The following DNAAF10 variants were observed in gnomAD, a reference collection of about 807,000 sequenced individuals.
DNAAF10 encodes WD repeat domain 92.
Under a neutral mutation model 43.7 loss-of-function variants are expected in DNAAF10, and 28 were observed. The observed-to-expected ratio is 0.64, with a 90% confidence interval of 0.48 to 0.88. The LOEUF (loss-of-function observed/expected upper bound fraction) is 0.88, where lower values mean the gene tolerates loss of function less well. Among genes scored for constraint, DNAAF10 ranks in the 40% least tolerant of loss-of-function variants. DNAAF10 has a pLI of 0.00. For missense variants in DNAAF10, 403 were observed against 439.1 expected (o/e 0.92, Z 0.73); for synonymous variants, 156 against 157.3 (o/e 0.99, Z 0.06).
At chr2:68,137,982 G>T (rs1463167038) in intron 5 of DNAAF10, among the ~76,000 whole-genome samples, 1 of 150,370 alleles carries the variant, frequency 6.7e-6, no homozygotes, top group Non-Finnish European at 1.5e-5. Flanking sequence ...AGACCATCCT[G>T]GCTAACACGA....
chr2:68,156,241 TTACA>T (rs1463466064), intron 1 of DNAAF10, among the ~76,000 whole-genome samples: 6 of 152,160 alleles, frequency 3.9e-5, no homozygotes, highest in African/African-American at 1.4e-4. Flanking sequence ...GGATGGGGTC[TTACA>T]TACTTTCTAT....
chr2:68,141,902 G>A (rs1054283299), intron 3 of DNAAF10, 107 bp from the exon 4 acceptor site: 2 of 878,040 alleles, frequency 2.3e-6, no homozygotes, highest in Non-Finnish European at 3.7e-6. Context: ...TATGACAGAT[G>A]TTATGACATC....
chr2:68,147,652 A>G, intron 1 of DNAAF10, 85 bp from the exon 2 acceptor site: 6 of 952,432 alleles, frequency 6.3e-6, no homozygotes, highest in Non-Finnish European at 9.0e-6. Flanking sequence ...TGGCTCTATT[A>G]TGGCATTTAA....
At chr2:68,136,100 C>G (rs1420375454) in intron 6 of DNAAF10, among the ~76,000 whole-genome samples, 3 of 151,356 alleles carry the variant, frequency 2.0e-5, no homozygotes, top group African/African-American at 7.3e-5. Flanking sequence ...TGCCTGTACT[C>G]CCAGCTACTT....
At chr2:68,147,594 A>G (rs764607818) in intron 1 of DNAAF10, 27 bp from the exon 2 acceptor site, 2 of 1,519,696 alleles carry the variant, frequency 1.3e-6, no homozygotes, top group Admixed American at 1.9e-5. Context: ...AAGAGAGGAT[A>G]TATTATTTAT....
At chr2:68,153,826 A>G (rs1673518417) in intron 1 of DNAAF10, among the ~76,000 whole-genome samples, 1 of 131,120 alleles carries the variant, frequency 7.6e-6, no homozygotes, top group Non-Finnish European at 1.5e-5. Flanking sequence ...ATCTCGGCTC[A>G]CTGCAACTTC....
chr2:68,137,596 C>T (rs191579770), intron 5 of DNAAF10, among the ~76,000 whole-genome samples, 163 bp from the exon 6 acceptor site: 6 of 152,212 alleles, frequency 3.9e-5, no homozygotes, highest in Admixed American at 3.9e-4. Flanking sequence ...CAGCCAGGCG[C>T]GGTGGCTTAT....
chr2:68,154,229 G>T lies in DNAAF10; in HGVS notation c.183+3032C>A, dbSNP rs542198709. On this transcript the variant is annotated intron_variant, in intron 1 of 7. Coordinates refer to ENST00000295121, the MANE Select transcript of DNAAF10 (RefSeq NM_138458.4). ...AAAAAAGAATATCCAAAGGATTCAGGTGAAAATATACTTCTTTTTTCTTTT... is the reference window on the plus strand; with the variant it reads ...AAAAAAGAATATCCAAAGGATTCAGTTGAAAATATACTTCTTTTTTCTTTT... Among the ~76,000 whole-genome samples, 144 of 151,624 alleles carry T rather than the reference G, an allele frequency of 9.5e-4. 1 individual carries two copies. Among genetic ancestry groups the T allele is most frequent in the African/African-American group, 3.3e-3 (135 of 41,146 alleles).
intron 1 of DNAAF10, among the ~76,000 whole-genome samples, chr2:68,149,025 C>T (rs542404765): frequency 6.6e-6 from 1 of 152,322 alleles, no homozygotes; most frequent in South Asian, 2.1e-4. Context: ...AGGACATCTC[C>T]CCTTGTAACT....
rs919717624 is a variant in DNAAF10 at position 68,131,469 on chromosome 2, A to G, written c.867-24T>C. 2.5e-6 allele frequency: 4 copies of G among 1,608,936 alleles called. No individual in the cohort carries two copies. The African/African-American group carries it at 5.3e-5, about 22-fold the overall frequency. ...CACTGAAAACAAGATCAAAATGGTA[A>G]GAGCGCATAAATCTTAGCTTTCACC... On this transcript the variant is annotated intron_variant, in intron 7 of 7. Coordinates refer to ENST00000295121, the MANE Select transcript of DNAAF10 (RefSeq NM_138458.4).
In DNAAF10 at chr2:68,137,448, T is replaced by A. The variant is rs771873746; in HGVS notation, c.634-15A>T. ...AAGCTACACACCTGAAAACAGAGAA[T>A]ACTTATTATTGGTAGTCTCACCAGT... On this transcript the variant is annotated splice_polypyrimidine_tract_variant and intron_variant, in intron 5 of 7. Transcript: ENST00000295121. The A allele has an allele frequency of 7.9e-5, 126 of 1,602,150 alleles. No individual in the cohort carries two copies. In the East Asian group the frequency reaches 2.8e-3, roughly 35 times the overall value.
intron 3 of DNAAF10, among the ~76,000 whole-genome samples, chr2:68,143,539 T>C (rs1312256671): frequency 6.6e-6 from 1 of 152,070 alleles, no homozygotes; most frequent in Non-Finnish European, 1.5e-5. Context: ...CATATGACAA[T>C]ACTCATTTAC....
chr2:68,131,495 A>G (rs1672930909), intron 7 of DNAAF10, 50 bp from the exon 8 acceptor site: 2 of 1,539,950 alleles, frequency 1.3e-6, no homozygotes, highest in South Asian at 2.2e-5. Flanking sequence ...AGCTTTCACC[A>G]TTTTATTTTT....
chr2:68,132,383 T>C (rs1370275233), intron 7 of DNAAF10, among the ~76,000 whole-genome samples: 1 of 152,204 alleles, frequency 6.6e-6, no homozygotes, highest in African/African-American at 2.4e-5. Context: ...ACAAATCATT[T>C]TGATGAAAAA....
At chr2:68,136,405 C>T (rs1349936008) in intron 6 of DNAAF10, among the ~76,000 whole-genome samples, 1 of 151,996 alleles carries the variant, frequency 6.6e-6, no homozygotes, top group Non-Finnish European at 1.5e-5. Flanking sequence ...TAATTTATAG[C>T]TATCTTGTTA....
intron 7 of DNAAF10, chr2:68,134,136 T>C (rs1672982015): frequency 5.1e-6 from 5 of 985,168 alleles, no homozygotes; most frequent in Non-Finnish European, 6.0e-6. Flanking sequence ...TTGTTTCCTT[T>C]TCACAGGCCA....
At chr2:68,150,714 CAG>C (rs1301634571) in intron 1 of DNAAF10, among the ~76,000 whole-genome samples, 1 of 151,890 alleles carries the variant, frequency 6.6e-6, no homozygotes, top group Non-Finnish European at 1.5e-5. Context: ...GCCTGGGCGA[CAG>C]AGAGAGACTC....
intron 7 of DNAAF10, 78 bp downstream of exon 7, chr2:68,134,615 GGAAAAAAAA>G (rs1672993303): frequency 6.4e-7 from 1 of 1,565,538 alleles, no homozygotes; most frequent in Admixed American, 2.3e-5. Flanking sequence ...AGTCAAAGCA[GGAAAAAAAA>G]GAAAAAAAAG....
chr2:68,156,179 T>C (rs1468806961), intron 1 of DNAAF10, among the ~76,000 whole-genome samples: 2 of 149,212 alleles, frequency 1.3e-5, no homozygotes, highest in African/African-American at 2.5e-5. Context: ...GAAGGAAAGG[T>C]AGAAAAAAAT....
Sources: allele counts gnomAD v4.1 joint callset (sites outside exome capture counted in the v4.1 genomes callset), GRCh38; gene constraint gnomAD v4.1.1; transcripts MANE v1.5; gene names NCBI Gene and HGNC (gene_info 2026-07-23, HGNC 2026-07-21).